ELP4: variants seen among roughly 807,000 people sequenced by gnomAD.
The protein encoded by ELP4 is elongator complex protein 4.
In ELP4, 51 loss-of-function variants were observed where a neutral mutation model predicts 48.9. The observed-to-expected ratio is 1.04, with a 90% CI of 0.83 to 1.32. The LOEUF is 1.32. ELP4 is among the 40% of genes most tolerant of loss of function. The pLI, the probability that ELP4 is intolerant of heterozygous loss-of-function variation, is 0.00. For missense variants in ELP4, 519 were observed against 514.6 expected, an observed-to-expected ratio of 1.01 and a Z score of -0.08; for synonymous variants, 210 against 189.2, an observed-to-expected ratio of 1.11 and a Z score of -0.90.
intron 6 of ELP4, among the ~76,000 whole-genome samples, chr11:31,631,082 G>A (rs1220399232): frequency 1.3e-5 from 2 of 151,972 alleles, no homozygotes; most frequent in South Asian, 4.2e-4. Flanking sequence ...TGTTCCTTTA[G>A]GCTTTCATCT....
chr11:31,700,226 T>TA (rs200851212), intron 9 of ELP4, among the ~76,000 whole-genome samples: 3,228 of 150,636 alleles, frequency 0.021, 55 homozygotes, highest in African/African-American at 0.029. Flanking sequence ...TCTATTTTTT[T>TA]AAAAAAAAAG....
intron 3 of ELP4, among the ~76,000 whole-genome samples, chr11:31,563,439 A>G (rs2133945391): frequency 6.6e-6 from 1 of 152,306 alleles, no homozygotes. Context: ...ATAATATAGC[A>G]GTAAGAACAG....
Position 31,790,238 on chromosome 11 carries a change from C to G in ELP4, c.*6714C>G. On this transcript the variant is annotated 3_prime_UTR_variant, in exon 10 of 10. Transcript: ENST00000640961. ...TATACCTATTGGATCCCAAGTACCC[C>G]CCACCCCAATCCAAAGGAAAAGAAA... is the stretch of plus-strand genomic sequence containing the variant. 1 of 537,220 alleles carries G rather than the reference C, an allele frequency of 1.9e-6. No individual in the cohort carries two copies. The highest frequency in any genetic ancestry group is 2.9e-5 in the South Asian group (1 of 34,664). The allele number at this position is 537,220 out of a possible 1,614,324, so 33.3% of individuals were successfully genotyped here.
rs141706207 is a variant in ELP4, at chr11:31,768,635, G to A, written c.1144-14758G>A. 6.6e-5 allele frequency among the ~76,000 whole-genome samples: 10 copies of A among 152,112 alleles called. No homozygotes were observed. In the East Asian group the frequency reaches 1.9e-3, roughly 29 times the overall value. On this transcript the variant is annotated intron_variant, in intron 9 of 9. Transcript: ENST00000640961. ...TTTCTTTGTATTCACATTCATACCA[G>A]GTAGACTTTGTCAAATACCTATAGT...
intron 9 of ELP4, among the ~76,000 whole-genome samples, chr11:31,716,489 T>G (rs141284832): frequency 8.5e-5 from 13 of 152,342 alleles, no homozygotes; most frequent in African/African-American, 3.1e-4. Context: ...GCTGATAAGA[T>G]TAATATGCAA....
chr11:31,730,897 G>A (rs1467969301), intron 9 of ELP4, among the ~76,000 whole-genome samples: 1 of 152,048 alleles, frequency 6.6e-6, no homozygotes, highest in Non-Finnish European at 1.5e-5. Context: ...AAAGAGCTGG[G>A]TGATGTCCTG....
At chr11:31,754,540 T>A (rs939661029) in intron 9 of ELP4, among the ~76,000 whole-genome samples, 1 of 152,032 alleles carries the variant, frequency 6.6e-6, no homozygotes, top group African/African-American at 2.4e-5. Flanking sequence ...AATGACCTTC[T>A]CAGAAAGGCT....
rs1246182901 is a variant in ELP4 at position 31,784,059 on chromosome 11, A to G, written c.*535A>G. The G allele has an allele frequency of 6.6e-6, 1 of 152,240 alleles. No individual in the cohort carries two copies. The highest frequency in any genetic ancestry group is 1.5e-5 in the Non-Finnish European group (1 of 68,066). 9.4% of individuals were successfully genotyped at this position (152,240 alleles called of 1,614,324 possible). ...TTGGGATTTAGATTCCACTAGAGATAATTAGTCTACCATAGTAGTTATTAA... is the reference window on the plus strand; with the variant it reads ...TTGGGATTTAGATTCCACTAGAGATGATTAGTCTACCATAGTAGTTATTAA... On this transcript the variant is annotated 3_prime_UTR_variant, in exon 10 of 10. Coordinates refer to ENST00000640961, the MANE Select transcript of ELP4 (RefSeq NM_019040.5).
chr11:31,643,663 T>C (rs1945144386), intron 7 of ELP4, among the ~76,000 whole-genome samples: 1 of 151,864 alleles, frequency 6.6e-6, no homozygotes, highest in South Asian at 2.1e-4. Context: ...GTTTTGACTT[T>C]AAGAACTTTG....
chr11:31,661,588 A>G (rs181609642), intron 9 of ELP4, among the ~76,000 whole-genome samples: 124 of 152,144 alleles, frequency 8.2e-4, no homozygotes, highest in African/African-American at 2.9e-3. Context: ...GCCTGATCAT[A>G]TAAGTGCTCG....
At position 31,782,822 on chromosome 11, in the gene ELP4, C is replaced by T. The variant is rs1007395884; in HGVS notation, c.1144-571C>T. On this transcript the variant is annotated intron_variant, in intron 9 of 9. Coordinates refer to ENST00000640961, the MANE Select transcript of ELP4 (RefSeq NM_019040.5). ...CTGAACATATGAAAAAATTGACCCT[C>T]CGGTTGGTATCATTTTTTTATGTTG... 2.0e-5 allele frequency among the ~76,000 whole-genome samples: 3 copies of T among 152,264 alleles called. No homozygotes were observed. In the East Asian group the frequency reaches 5.8e-4, roughly 29 times the overall value.
At chr11:31,578,518 G>C (rs901765811) in intron 3 of ELP4, among the ~76,000 whole-genome samples, 4 of 152,060 alleles carry the variant, frequency 2.6e-5, no homozygotes, top group Non-Finnish European at 4.4e-5. Context: ...TGCGGGCATC[G>C]TGCTACCTGA....
In ELP4 at chr11:31,539,675, T is replaced by G; in HGVS notation, c.273T>G (p.Tyr91Ter). The G allele has an allele frequency of 6.2e-7, 1 of 1,606,274 alleles. No homozygotes were observed. The highest frequency in any genetic ancestry group is 8.5e-7 in the Non-Finnish European group (1 of 1,176,712). Residue 91 changes from tyrosine to a stop codon, truncating the protein, a stop_gained, in exon 3 of 10, where the codon TAT (tyrosine) becomes TAG (stop). Coordinates refer to ENST00000640961, the MANE Select transcript of ELP4 (RefSeq NM_019040.5). LOFTEE classifies it high-confidence loss of function. ...GTVLLIEEDKYNIYSPLLFKY... is the reference protein window; with the variant it reads ...GTVLLIEEDK ...TCCTTTTTACAGAGGAGGATAAATA[T>G]AATATTTACTCACCTTTGCTCTTCA...
intron 9 of ELP4, among the ~76,000 whole-genome samples, chr11:31,726,515 G>A (rs1158239930): frequency 6.6e-6 from 1 of 152,162 alleles, no homozygotes; most frequent in Non-Finnish European, 1.5e-5. Flanking sequence ...AATGCCTGCT[G>A]TGTAACGCTA....
At chr11:31,575,169 C>G (rs1457876717) in intron 3 of ELP4, among the ~76,000 whole-genome samples, 1 of 152,040 alleles carries the variant, frequency 6.6e-6, no homozygotes, top group Non-Finnish European at 1.5e-5. Context: ...CCAATTTGAT[C>G]AAGTGAAAGA....
intron 9 of ELP4, among the ~76,000 whole-genome samples, chr11:31,772,784 A>G (rs906818004): frequency 2.0e-5 from 3 of 152,212 alleles, no homozygotes; most frequent in Non-Finnish European, 1.5e-5. Flanking sequence ...GCTAAAGTAA[A>G]ATGGGAGAGT....
At chr11:31,718,852 A>G (rs1312562064) in intron 9 of ELP4, among the ~76,000 whole-genome samples, 1 of 152,240 alleles carries the variant, frequency 6.6e-6, no homozygotes, top group Admixed American at 6.5e-5. Flanking sequence ...TAGAACAATA[A>G]CAAGTTCACT....
intron 9 of ELP4, among the ~76,000 whole-genome samples, chr11:31,696,146 GT>G (rs1327859099): frequency 6.6e-6 from 1 of 151,978 alleles, no homozygotes; most frequent in African/African-American, 2.4e-5. Context: ...TTTTCGAAGG[GT>G]TTTTTGTGTC....
chr11:31,690,023 G>A (rs1164521684), intron 9 of ELP4, among the ~76,000 whole-genome samples: 5 of 152,130 alleles, frequency 3.3e-5, no homozygotes, highest in Non-Finnish European at 7.3e-5. Context: ...TCTCATGAAG[G>A]AAGGAAAAGG....
Sources: gnomAD v4.1 joint callset for allele counts (sites outside exome capture counted in the v4.1 genomes callset) on GRCh38, gnomAD v4.1.1 for gene constraint, MANE v1.5 for transcripts, NCBI Gene and HGNC (gene_info 2026-07-23, HGNC 2026-07-21) for gene names.